Variants in SLC4A4 observed in about 807,000 individuals in gnomAD.
The protein encoded by SLC4A4 is electrogenic sodium bicarbonate cotransporter 1.
A neutral mutation model predicts 111.5 loss-of-function variants in SLC4A4; 27 were observed. That is an observed-to-expected ratio of 0.24 (90% CI 0.18 to 0.33). The LOEUF (loss-of-function observed/expected upper bound fraction) is 0.33. Ranked by LOEUF, SLC4A4 falls within the 10% of genes least tolerant of loss-of-function variation. The pLI, the probability that SLC4A4 is intolerant of heterozygous loss-of-function variation, is 1.00. For synonymous variants in SLC4A4, 443 were observed against 463.4 expected (o/e 0.96, Z 0.57); for missense variants, 909 against 1,315.5 (o/e 0.69, Z 4.78).
chr4:71,248,530 A>G (rs1387288528), intron 2 of SLC4A4, among the ~76,000 whole-genome samples: 1 of 151,898 alleles, frequency 6.6e-6, no homozygotes, highest in African/African-American at 2.4e-5. Flanking sequence ...TTGGAGAATC[A>G]ACTTTGAAGA....
chr4:71,447,805 C>A, intron 9 of SLC4A4, 72 bp downstream of exon 9: 6 of 924,642 alleles, frequency 6.5e-6, no homozygotes, highest in Non-Finnish European at 1.1e-5. Context: ...TTGGCTGTCA[C>A]AATTTATTCA....
intron 15 of SLC4A4, among the ~76,000 whole-genome samples, chr4:71,492,292 T>C (rs2149140032): frequency 6.6e-6 from 1 of 152,042 alleles, no homozygotes; most frequent in East Asian, 1.9e-4. Context: ...TCTCATATTA[T>C]CCCTCACTTT....
At chr4:71,550,233 A>C (rs1402861186) in intron 20 of SLC4A4, among the ~76,000 whole-genome samples, 1 of 152,004 alleles carries the variant, frequency 6.6e-6, no homozygotes, top group Admixed American at 6.6e-5. Context: ...AACAAGAATA[A>C]AACAGTCAAG....
At chr4:71,369,637 T>C (rs1201269692) in intron 6 of SLC4A4, among the ~76,000 whole-genome samples, 1 of 152,120 alleles carries the variant, frequency 6.6e-6, no homozygotes, top group Non-Finnish European at 1.5e-5. Flanking sequence ...GAATGGGCTA[T>C]GGACAACAAA....
chr4:71,141,375 T>C (rs1342229959), intron 2 of SLC4A4, among the ~76,000 whole-genome samples: 2 of 152,240 alleles, frequency 1.3e-5, no homozygotes, highest in Non-Finnish European at 2.9e-5. Context: ...CCCTGTGATC[T>C]TTTAAGGCTC....
chr4:71,539,251 C>T (rs1734835453), intron 18 of SLC4A4, among the ~76,000 whole-genome samples: 1 of 151,970 alleles, frequency 6.6e-6, no homozygotes, highest in African/African-American at 2.4e-5. Flanking sequence ...CCATAATAAC[C>T]AATCTTCCTT....
intron 18 of SLC4A4, among the ~76,000 whole-genome samples, chr4:71,540,946 T>A (rs1253359435): frequency 6.6e-6 from 1 of 152,144 alleles, no homozygotes; most frequent in Admixed American, 6.5e-5. Context: ...CCAGGTCACA[T>A]GGAACAAAGT....
intron 2 of SLC4A4, among the ~76,000 whole-genome samples, chr4:71,178,461 A>T (rs1745166036): frequency 6.6e-6 from 1 of 152,192 alleles, no homozygotes; most frequent in African/African-American, 2.4e-5. Flanking sequence ...ACCGCTAGCA[A>T]GACTAATAAA....
Position 71,555,222 on chromosome 4 carries a change from T to A in SLC4A4, c.2763+14T>A, listed in dbSNP as rs1315643365. On this transcript the variant is annotated intron_variant, in intron 21 of 25. Coordinates refer to ENST00000264485, the MANE Select transcript of SLC4A4 (RefSeq NM_001098484.3). ...AATGGTGTGCAGGTAAGTTTTTGAATAGCAATGTAAGTACAGTAGTGTTTT... is the reference window on the plus strand; with the variant it reads ...AATGGTGTGCAGGTAAGTTTTTGAAAAGCAATGTAAGTACAGTAGTGTTTT... 1 of 1,556,860 alleles carries A rather than the reference T, an allele frequency of 6.4e-7. No individual in the cohort carries two copies. Among genetic ancestry groups the A allele is most frequent in the Non-Finnish European group, 8.9e-7 (1 of 1,128,372 alleles).
intron 7 of SLC4A4, among the ~76,000 whole-genome samples, chr4:71,428,645 C>A (rs4626166): frequency 0.2 from 29,956 of 151,156 alleles, 3,296 homozygotes; most frequent in South Asian, 0.43. Context: ...ATTAGCAGGA[C>A]GAAGAGAAAA....
chr4:71,440,800 A>G lies in SLC4A4; in HGVS notation c.965+27A>G, dbSNP rs753418384. 6 of 1,612,938 alleles carry G rather than the reference A, an allele frequency of 3.7e-6. No homozygotes were observed. In the South Asian group the frequency reaches 6.6e-5, roughly 18 times the overall value. On this transcript the variant is annotated intron_variant, in intron 8 of 25. Transcript: ENST00000264485. ...TAAGCTGCTCTCCTACCTGGGGTCTACAATGTGCTAATAGGGTTATCTCCT... is the reference window on the plus strand; with the variant it reads ...TAAGCTGCTCTCCTACCTGGGGTCTGCAATGTGCTAATAGGGTTATCTCCT...
At chr4:71,563,632 A>T (rs979815564) in intron 23 of SLC4A4, among the ~76,000 whole-genome samples, 161 bp from the exon 24 acceptor site, 4 of 151,868 alleles carry the variant, frequency 2.6e-5, no homozygotes, top group Non-Finnish European at 5.9e-5. Context: ...TGAGGGGGAA[A>T]GAAGGAATGC....
intron 8 of SLC4A4, among the ~76,000 whole-genome samples, chr4:71,443,220 G>C (rs890208413): frequency 6.8e-6 from 1 of 147,678 alleles, no homozygotes; most frequent in African/African-American, 2.5e-5. Flanking sequence ...GCGTGATCTT[G>C]GCTCACTGCA....
intron 12 of SLC4A4, among the ~76,000 whole-genome samples, chr4:71,464,177 T>C (rs1477456871): frequency 6.6e-6 from 1 of 152,146 alleles, no homozygotes; most frequent in African/African-American, 2.4e-5. Flanking sequence ...AGGGTTGAAA[T>C]CCTAGTCTGT....
At chr4:71,076,151 C>T (rs1741812731) in intron 1 of SLC4A4, among the ~76,000 whole-genome samples, 1 of 152,042 alleles carries the variant, frequency 6.6e-6, no homozygotes, top group African/African-American at 2.4e-5. Context: ...GTAAACTCCA[C>T]TGAGGACAAA....
intron 1 of SLC4A4, among the ~76,000 whole-genome samples, chr4:71,070,405 G>A (rs866382179): frequency 9.2e-5 from 14 of 152,092 alleles, no homozygotes; most frequent in Non-Finnish European, 2.1e-4. Flanking sequence ...GTGGGAAAGG[G>A]GATATTGTGA....
At chr4:71,226,167 A>G (rs895796936) in intron 1 of SLC4A4, among the ~76,000 whole-genome samples, 12 of 152,044 alleles carry the variant, frequency 7.9e-5, no homozygotes, top group Admixed American at 2.0e-4. Context: ...AGATCTCACT[A>G]TGTTGCATAG....
intron 1 of SLC4A4, among the ~76,000 whole-genome samples, chr4:71,202,658 G>A (rs1437276989): frequency 6.6e-6 from 1 of 152,036 alleles, no homozygotes; most frequent in Non-Finnish European, 1.5e-5. Context: ...GGGCTTCCTT[G>A]AATCCATTTT....
At chr4:71,184,934 C>T (rs756977440), upstream of SLC4A4, among the ~76,000 whole-genome samples, 9 of 152,132 alleles carry the variant, frequency 5.9e-5, no homozygotes, top group Admixed American at 1.3e-4. Flanking sequence ...AGGTTGTCAA[C>T]GCTTTGCCAA....
Sources: gnomAD v4.1 joint callset for allele counts (sites outside exome capture counted in the v4.1 genomes callset) on GRCh38, gnomAD v4.1.1 for gene constraint, MANE v1.5 for transcripts, NCBI Gene and HGNC (gene_info 2026-07-23, HGNC 2026-07-21) for gene names.